NDST3: variants seen among roughly 807,000 people sequenced by gnomAD.
The protein encoded by NDST3 is bifunctional heparan sulfate N-deacetylase/N-sulfotransferase 3.
NDST3 carries 58 observed loss-of-function variants against 96.1 expected under a neutral mutation model. The ratio of observed to expected loss-of-function variants is 0.60; its 90% confidence interval spans 0.49 to 0.75. NDST3 has a LOEUF of 0.75. NDST3 is among the 30% of genes least tolerant of loss of function. The pLI is 0.00. For synonymous variants in NDST3, 333 were observed against 359.7 expected (o/e 0.93, Z 0.84); for missense variants, 788 against 1,034.2 (o/e 0.76, Z 3.27).
chr4:118,099,545 T>C (rs1729603141), intron 2 of NDST3, among the ~76,000 whole-genome samples: 1 of 152,102 alleles, frequency 6.6e-6, no homozygotes, highest in Non-Finnish European at 1.5e-5. Context: ...GGAGTGTTAA[T>C]TAAGTTAGAT....
intron 3 of NDST3, among the ~76,000 whole-genome samples, chr4:118,109,278 C>T (rs1578654625): frequency 1.3e-5 from 2 of 152,208 alleles, no homozygotes; most frequent in Non-Finnish European, 2.9e-5. Flanking sequence ...ACCACCATGG[C>T]AAAATTAGGG....
chr4:118,060,732 T>C (rs1725826891), intron 2 of NDST3, among the ~76,000 whole-genome samples: 1 of 152,144 alleles, frequency 6.6e-6, no homozygotes. Flanking sequence ...TCTCTTTTTT[T>C]TTAGTAGTTT....
chr4:118,064,811 C>T (rs1726176144), intron 2 of NDST3, among the ~76,000 whole-genome samples: 1 of 152,142 alleles, frequency 6.6e-6, no homozygotes, highest in Admixed American at 6.6e-5. Flanking sequence ...GAGCTAAGTT[C>T]AAGATGTCCA....
At chr4:118,064,348 A>C (rs990167747) in intron 2 of NDST3, among the ~76,000 whole-genome samples, 1 of 152,120 alleles carries the variant, frequency 6.6e-6, no homozygotes, top group Non-Finnish European at 1.5e-5. Flanking sequence ...ATTAGTAGCT[A>C]AAGCACTTTT....
At chr4:118,200,065 A>G (rs1409448446) in intron 6 of NDST3, among the ~76,000 whole-genome samples, 2 of 152,146 alleles carry the variant, frequency 1.3e-5, no homozygotes, top group African/African-American at 4.8e-5. Flanking sequence ...ATGTTCATTC[A>G]AGGCCCTGAA....
intron 4 of NDST3, among the ~76,000 whole-genome samples, chr4:118,124,451 T>C (rs1222187237): frequency 1.3e-5 from 2 of 151,988 alleles, no homozygotes; most frequent in African/African-American, 4.8e-5. Context: ...CTCTGTGAGA[T>C]CATTAGTTTT....
intron 6 of NDST3, chr4:118,194,735 A>C: frequency 2.0e-6 from 1 of 507,782 alleles, no homozygotes; most frequent in Non-Finnish European, 3.6e-6. Context: ...AGTCTCCTTC[A>C]TCTCCTCAAC....
At chr4:118,231,790 A>C (rs1740311120) in intron 8 of NDST3, among the ~76,000 whole-genome samples, 1 of 152,250 alleles carries the variant, frequency 6.6e-6, no homozygotes, top group South Asian at 2.1e-4. Context: ...AGTATTAAAT[A>C]CATGGCTAAA....
chr4:118,038,056 C>T (rs1724249144), intron 1 of NDST3, among the ~76,000 whole-genome samples: 1 of 152,132 alleles, frequency 6.6e-6, no homozygotes, highest in South Asian at 2.1e-4. Flanking sequence ...GTCCAGGCAA[C>T]CAATGAGAGG....
intron 6 of NDST3, among the ~76,000 whole-genome samples, chr4:118,150,998 C>T (rs1000133194): frequency 1.1e-4 from 16 of 151,684 alleles, no homozygotes; most frequent in East Asian, 9.7e-4. Flanking sequence ...AAATGTCCAA[C>T]AATGATAGAC....
chr4:118,202,012 A>G (rs527331663), intron 6 of NDST3, among the ~76,000 whole-genome samples: 3 of 152,304 alleles, frequency 2.0e-5, no homozygotes, highest in Non-Finnish European at 4.4e-5. Context: ...ACGGCTAACT[A>G]GTTATCTCAG....
At chr4:118,206,968 C>A (rs1738474199) in intron 6 of NDST3, among the ~76,000 whole-genome samples, 1 of 143,174 alleles carries the variant, frequency 7.0e-6, no homozygotes, top group African/African-American at 2.6e-5. Flanking sequence ...GAATAACTTA[C>A]AGCACATTCA....
At chr4:118,252,118 A>G (rs1741784988) in intron 12 of NDST3, among the ~76,000 whole-genome samples, 1 of 152,246 alleles carries the variant, frequency 6.6e-6, no homozygotes, top group Non-Finnish European at 1.5e-5. Flanking sequence ...GTTATCTGAA[A>G]TAATTCTAAT....
intron 2 of NDST3, among the ~76,000 whole-genome samples, chr4:118,061,039 A>G (rs1436320105): frequency 6.6e-6 from 1 of 152,186 alleles, no homozygotes; most frequent in Non-Finnish European, 1.5e-5. Flanking sequence ...AAGAGCAGAC[A>G]GTCATGCCAT....
chr4:118,191,984 A>AG (rs1737337212), intron 6 of NDST3, among the ~76,000 whole-genome samples: 1 of 152,162 alleles, frequency 6.6e-6, no homozygotes, highest in Non-Finnish European at 1.5e-5. Context: ...CATTTTAACT[A>AG]GGGTCAGATA....
At chr4:118,217,192 C>T (rs370037438) in intron 6 of NDST3, among the ~76,000 whole-genome samples, 50 of 152,164 alleles carry the variant, frequency 3.3e-4, no homozygotes, top group African/African-American at 9.9e-4. Flanking sequence ...ACCGTATAAA[C>T]GAAGCCGTGG....
At chr4:118,099,372 AC>A (rs748362790) in intron 2 of NDST3, among the ~76,000 whole-genome samples, 4 of 152,110 alleles carry the variant, frequency 2.6e-5, no homozygotes, top group Non-Finnish European at 5.9e-5. Flanking sequence ...TCCTCACTGT[AC>A]TTAGCAAATT....
At chr4:118,119,941 T>C (rs1435738261) in intron 4 of NDST3, among the ~76,000 whole-genome samples, 1 of 152,082 alleles carries the variant, frequency 6.6e-6, no homozygotes, top group Non-Finnish European at 1.5e-5. Flanking sequence ...TTTTTCGTTA[T>C]CATTCCAGAA....
At chr4:118,215,398 C>T (rs540916782) in intron 6 of NDST3, among the ~76,000 whole-genome samples, 22 of 152,102 alleles carry the variant, frequency 1.4e-4, no homozygotes, top group African/African-American at 5.3e-4. Context: ...TATGTAGCTA[C>T]GAGGCTATTG....
Sources: gnomAD v4.1 joint callset for allele counts (sites outside exome capture counted in the v4.1 genomes callset) on GRCh38, gnomAD v4.1.1 for gene constraint, MANE v1.5 for transcripts, NCBI Gene and HGNC (gene_info 2026-07-23, HGNC 2026-07-21) for gene names.